Variants in ALCAM observed in about 807,000 individuals in gnomAD.
ALCAM encodes CD166 antigen.
Under a neutral mutation model 70.9 loss-of-function variants are expected in ALCAM, and 30 were observed. The observed-to-expected ratio is 0.42, with a 90% confidence interval of 0.32 to 0.57. The LOEUF (loss-of-function observed/expected upper bound fraction) is 0.57. Ranked by LOEUF, ALCAM falls within the 20% of genes least tolerant of loss-of-function variation. ALCAM has a pLI of 0.11. For missense variants in ALCAM, 591 were observed against 695.1 expected (o/e 0.85, Z 1.68); for synonymous variants, 249 against 242.5 (o/e 1.03, Z -0.25).
chr3:105,517,603 A>T (rs577229256), intron 1 of ALCAM, among the ~76,000 whole-genome samples: 2 of 152,200 alleles, frequency 1.3e-5, no homozygotes, highest in South Asian at 4.1e-4. Flanking sequence ...ATCAATCTTT[A>T]ATTTCTCTTT....
chr3:105,547,568 G>T lies in ALCAM; in HGVS notation c.1374+45G>T, dbSNP rs191452758. The T allele has an allele frequency of 2.5e-6, 4 of 1,586,262 alleles. No individual in the cohort carries two copies. The East Asian group carries it at 9.0e-5, about 36-fold the overall frequency. On this transcript the variant is annotated intron_variant, in intron 11 of 15. Coordinates refer to ENST00000306107, the MANE Select transcript of ALCAM (RefSeq NM_001627.4). ...TTATATGCTGCACTTCGTCCAATGC[G>T]TTTTTTTTCCTTCACGAACCTACCC...
intron 1 of ALCAM, among the ~76,000 whole-genome samples, chr3:105,423,604 C>G (rs922975650): frequency 2.6e-5 from 4 of 151,132 alleles, no homozygotes; most frequent in Non-Finnish European, 5.9e-5. Flanking sequence ...CTTTAATGAC[C>G]AAGATTTCTT....
chr3:105,419,113 T>C (rs1239961220), intron 1 of ALCAM, among the ~76,000 whole-genome samples: 1 of 151,684 alleles, frequency 6.6e-6, no homozygotes, highest in African/African-American at 2.4e-5. Flanking sequence ...ATAAAAATTA[T>C]TATATAATAC....
At chr3:105,429,497 A>G (rs1475767974) in intron 1 of ALCAM, among the ~76,000 whole-genome samples, 2 of 152,006 alleles carry the variant, frequency 1.3e-5, no homozygotes, top group South Asian at 2.1e-4. Flanking sequence ...GGGGATCTCC[A>G]TGAAAGCTTT....
intron 8 of ALCAM, among the ~76,000 whole-genome samples, chr3:105,542,968 C>A (rs989905344): frequency 2.0e-5 from 3 of 151,712 alleles, no homozygotes; most frequent in African/African-American, 4.8e-5. Flanking sequence ...ATTATCCAGT[C>A]CTGTTCCATG....
At position 105,505,455 on chromosome 3, in the gene ALCAM, C is replaced by G. The variant is rs142266257; in HGVS notation, c.74-14612C>G. Among the ~76,000 whole-genome samples, 246 of 152,234 alleles carry G rather than the reference C, an allele frequency of 1.6e-3. 2 individuals carry two copies. Among genetic ancestry groups the G allele is most frequent in the African/African-American group, 5.7e-3 (238 of 41,536 alleles). ...CAAGGGGGAAATCCACGCCCATAAT[C>G]CAGTCACCTCCTACCAGGCCCCTCT... On this transcript the variant is annotated intron_variant, in intron 1 of 15. Transcript: ENST00000306107.
intron 9 of ALCAM, among the ~76,000 whole-genome samples, chr3:105,545,592 C>T (rs912164674): frequency 6.6e-5 from 10 of 151,410 alleles, no homozygotes; most frequent in African/African-American, 1.9e-4. Flanking sequence ...TAATTATACA[C>T]ACACCACACG....
chr3:105,520,025 C>G (rs534093722), intron 1 of ALCAM, 42 bp from the exon 2 acceptor site: 8 of 1,347,650 alleles, frequency 5.9e-6, no homozygotes, highest in South Asian at 5.3e-5. Flanking sequence ...ATTTTGTTCT[C>G]TCTCTCTTTC....
At chr3:105,384,568 G>A (rs1264148636) in intron 1 of ALCAM, among the ~76,000 whole-genome samples, 2 of 151,246 alleles carry the variant, frequency 1.3e-5, no homozygotes, top group Non-Finnish European at 3.0e-5. Context: ...GGTCTCTGAG[G>A]CAAGCTGTCT....
At chr3:105,531,679 A>G (rs1157571857) in intron 3 of ALCAM, among the ~76,000 whole-genome samples, 4 of 151,934 alleles carry the variant, frequency 2.6e-5, no homozygotes, top group South Asian at 4.1e-4. Context: ...ATGGTAATCA[A>G]TTAGAGACAA....
chr3:105,415,695 C>T (rs1936491424), intron 1 of ALCAM, among the ~76,000 whole-genome samples: 1 of 151,682 alleles, frequency 6.6e-6, no homozygotes, highest in South Asian at 2.1e-4. Flanking sequence ...CTTTCTGTGC[C>T]CTCTTTCTTT....
At chr3:105,387,237 C>T (rs1211415440) in intron 1 of ALCAM, among the ~76,000 whole-genome samples, 2 of 150,436 alleles carry the variant, frequency 1.3e-5, no homozygotes, top group East Asian at 2.0e-4. Flanking sequence ...CCCACCCTCA[C>T]ACACACACAC....
intron 1 of ALCAM, among the ~76,000 whole-genome samples, chr3:105,385,063 C>T (rs1406019493): frequency 6.6e-6 from 1 of 151,460 alleles, no homozygotes; most frequent in African/African-American, 2.4e-5. Flanking sequence ...AAGACAAATA[C>T]TGTCTAGTTC....
intron 14 of ALCAM, among the ~76,000 whole-genome samples, chr3:105,560,346 G>T (rs971215812): frequency 6.6e-6 from 1 of 152,058 alleles, no homozygotes; most frequent in Non-Finnish European, 1.5e-5. Context: ...TTTGTGAAGC[G>T]ACTATTCAAA....
chr3:105,490,822 G>C (rs1348193639), intron 1 of ALCAM, among the ~76,000 whole-genome samples: 1 of 152,110 alleles, frequency 6.6e-6, no homozygotes, highest in Non-Finnish European at 1.5e-5. Context: ...TGCTTTCATG[G>C]GCTGGCATTG....
intron 1 of ALCAM, among the ~76,000 whole-genome samples, chr3:105,457,485 T>C (rs1365245911): frequency 2.0e-5 from 3 of 151,922 alleles, no homozygotes; most frequent in African/African-American, 7.3e-5. Flanking sequence ...ATAATCTGTA[T>C]AACACACCTC....
At chr3:105,424,106 C>A (rs1170054577) in intron 1 of ALCAM, among the ~76,000 whole-genome samples, 1 of 151,558 alleles carries the variant, frequency 6.6e-6, no homozygotes, top group Non-Finnish European at 1.5e-5. Context: ...GAATTTACTT[C>A]AGCTCTCCAT....
chr3:105,489,717 C>T (rs1167748999), intron 1 of ALCAM, among the ~76,000 whole-genome samples: 1 of 152,148 alleles, frequency 6.6e-6, no homozygotes, highest in Non-Finnish European at 1.5e-5. Flanking sequence ...GGGAAAAATA[C>T]ATAGCAGAGG....
chr3:105,548,337 C>T (rs1188068004), intron 11 of ALCAM, among the ~76,000 whole-genome samples: 4 of 151,286 alleles, frequency 2.6e-5, no homozygotes, highest in African/African-American at 9.7e-5. Context: ...CAACAGTCTT[C>T]GTGTCTCCCT....
Sources: allele counts gnomAD v4.1 joint callset (sites outside exome capture counted in the v4.1 genomes callset), GRCh38; gene constraint gnomAD v4.1.1; transcripts MANE v1.5; gene names NCBI Gene and HGNC (gene_info 2026-07-23, HGNC 2026-07-21).